Variants in GFRA1 observed in about 807,000 individuals in gnomAD.
GFRA1 encodes GDNF family receptor alpha-1.
A neutral mutation model predicts 51.6 loss-of-function variants in GFRA1; 16 were observed. The observed-to-expected ratio is 0.31, with a 90% CI of 0.21 to 0.47. The LOEUF (loss-of-function observed/expected upper bound fraction) is 0.47. Ranked by LOEUF, GFRA1 falls within the 20% of genes least tolerant of loss-of-function variation. The pLI is 1.00. For synonymous variants in GFRA1, 270 were observed against 241.3 expected (o/e 1.12, Z -1.10); for missense variants, 530 against 594.3 (o/e 0.89, Z 1.13).
At chr10:116,237,153 A>C (rs894693736) in intron 4 of GFRA1, among the ~76,000 whole-genome samples, 5 of 152,356 alleles carry the variant, frequency 3.3e-5, no homozygotes, top group Non-Finnish European at 7.3e-5. Flanking sequence ...CTTTGTGTAT[A>C]CATAAGCGTC....
rs1337828259 is a variant in GFRA1 at position 116,253,941 on chromosome 10, T to G, written c.418+15562A>C. Among the ~76,000 whole-genome samples the G allele has an allele frequency of 2.0e-5, 3 of 151,978 alleles. No individual in the cohort carries two copies. The South Asian group carries it at 6.2e-4, about 32-fold the overall frequency. On this transcript the variant is annotated intron_variant, in intron 4 of 10. Transcript: ENST00000355422. ...AGGCAGGTCACTGGACTTCTATGAG[T>G]TTTGGTTTCCTCTTATGCAAAATGT...
chr10:116,240,333 C>T (rs1967253693), intron 4 of GFRA1, among the ~76,000 whole-genome samples: 1 of 152,162 alleles, frequency 6.6e-6, no homozygotes, highest in Admixed American at 6.5e-5. Flanking sequence ...TTCATCCTAG[C>T]TTCACCCTTC....
chr10:116,274,370 C>T (rs554875434), upstream of GFRA1, among the ~76,000 whole-genome samples: 3 of 152,326 alleles, frequency 2.0e-5, no homozygotes, highest in South Asian at 4.1e-4. Context: ...AAACCTATCA[C>T]GCCAGACAAT....
intron 5 of GFRA1, among the ~76,000 whole-genome samples, chr10:116,200,802 A>T (rs1964270906): frequency 6.6e-6 from 1 of 152,216 alleles, no homozygotes; most frequent in South Asian, 2.1e-4. Context: ...TTTCTAATGC[A>T]CACATTGGGG....
intron 6 of GFRA1, among the ~76,000 whole-genome samples, chr10:116,123,618 C>A (rs1166201419): frequency 1.3e-5 from 2 of 152,126 alleles, no homozygotes; most frequent in South Asian, 2.1e-4. Context: ...TTTTTAGAAA[C>A]GGGGAACCAA....
chr10:116,234,291 G>A (rs566062979), intron 4 of GFRA1, among the ~76,000 whole-genome samples: 65 of 152,268 alleles, frequency 4.3e-4, no homozygotes, highest in African/African-American at 1.5e-3. Context: ...CTCTTAACTG[G>A]ACAGCATCTT....
At chr10:116,084,665 G>A (rs754590921) in intron 9 of GFRA1, among the ~76,000 whole-genome samples, 3 of 151,996 alleles carry the variant, frequency 2.0e-5, no homozygotes, top group Non-Finnish European at 4.4e-5. Flanking sequence ...ACCACATTAA[G>A]ATGTCTTCAC....
intron 6 of GFRA1, among the ~76,000 whole-genome samples, chr10:116,111,619 T>A (rs749404926): frequency 1.8e-4 from 27 of 152,118 alleles, no homozygotes; most frequent in Non-Finnish European, 3.8e-4. Flanking sequence ...ATCTGGTGCC[T>A]ACTCCTCATT....
chr10:116,131,255 A>G (rs1174768480), intron 5 of GFRA1, among the ~76,000 whole-genome samples: 1 of 152,226 alleles, frequency 6.6e-6, no homozygotes, highest in African/African-American at 2.4e-5. Context: ...ATTTGACATC[A>G]AATGTTATTT....
intron 4 of GFRA1, among the ~76,000 whole-genome samples, chr10:116,240,146 T>A (rs373022550): frequency 6.6e-5 from 10 of 152,238 alleles, no homozygotes; most frequent in African/African-American, 2.4e-4. Flanking sequence ...AAGTGACTGT[T>A]GAGCTTTAGG....
intron 8 of GFRA1, among the ~76,000 whole-genome samples, chr10:116,090,351 T>A (rs999650005): frequency 8.2e-5 from 12 of 146,204 alleles, no homozygotes; most frequent in Admixed American, 1.4e-4. Flanking sequence ...TAGTGCTTTT[T>A]AAAAAAAATC....
intron 4 of GFRA1, among the ~76,000 whole-genome samples, chr10:116,263,814 G>A (rs979046573): frequency 5.3e-5 from 8 of 152,196 alleles, no homozygotes; most frequent in Non-Finnish European, 1.2e-4. Context: ...TCCATGATGT[G>A]GAAGGAGGGG....
chr10:116,189,452 C>T (rs1180360595), intron 5 of GFRA1, among the ~76,000 whole-genome samples: 1 of 152,148 alleles, frequency 6.6e-6, no homozygotes, highest in Non-Finnish European at 1.5e-5. Flanking sequence ...CTCATCCCTT[C>T]TTCCCTCTTT....
chr10:116,111,979 A>G (rs1455379551), intron 6 of GFRA1, among the ~76,000 whole-genome samples: 1 of 152,190 alleles, frequency 6.6e-6, no homozygotes, highest in African/African-American at 2.4e-5. Flanking sequence ...GGGGCCCTAC[A>G]GAGCACCTGG....
In GFRA1 at chr10:116,272,498, G is replaced by A; in HGVS notation, c.-246-223C>T. On this transcript the variant is annotated intron_variant, in intron 1 of 10. Transcript: ENST00000355422. The surrounding 1 kb of genome is among the most constrained non-coding windows in gnomAD (Gnocchi z 4.4). ...TCTGAAGAGGGTTCCTAAAGTCCAA[G>A]GGGGTGTCTGTTGGGTTCAACCCGA... is the stretch of plus-strand genomic sequence containing the variant. The A allele has an allele frequency of 5.4e-6, 1 of 185,318 alleles. No individual in the cohort carries two copies. Among genetic ancestry groups the A allele is most frequent in the South Asian group, 1.2e-4 (1 of 8,226 alleles). The allele number at this position is 185,318 out of a possible 1,614,324, so 11.5% of individuals were successfully genotyped here.
At chr10:116,180,335 C>T (rs73370456) in intron 5 of GFRA1, among the ~76,000 whole-genome samples, 2,826 of 152,242 alleles carry the variant, frequency 0.019, 91 homozygotes, top group African/African-American at 0.065. Context: ...AATACTTATA[C>T]TGTCCTCACA....
chr10:116,124,522 C>A (rs945295375), intron 6 of GFRA1, among the ~76,000 whole-genome samples: 6 of 152,216 alleles, frequency 3.9e-5, no homozygotes, highest in Non-Finnish European at 7.3e-5. Context: ...TGAGCCACCA[C>A]ACCCGGCCAG....
rs1174377973 is a variant in GFRA1 at position 116,060,282 on chromosome 10, T to C, written c.*4116A>G. 2 of 152,182 alleles carry C rather than the reference T, an allele frequency of 1.3e-5. No homozygotes were observed. Among genetic ancestry groups the C allele is most frequent in the African/African-American group, 4.8e-5 (2 of 41,454 alleles). 9.4% of individuals were successfully genotyped at this position (152,182 alleles called of 1,614,324 possible). Reference sequence around the variant, plus strand: ...CTTAGGGATGAGAGAAAAATGTAGCTTCTAAGGGTATCCAACCAAATCCCC... The same window carrying C: ...CTTAGGGATGAGAGAAAAATGTAGCCTCTAAGGGTATCCAACCAAATCCCC... On this transcript the variant is annotated 3_prime_UTR_variant, in exon 11 of 11. Coordinates refer to ENST00000355422, the MANE Select transcript of GFRA1 (RefSeq NM_005264.8).
At chr10:116,082,729 T>G (rs930067661) in intron 9 of GFRA1, among the ~76,000 whole-genome samples, 8 of 152,140 alleles carry the variant, frequency 5.3e-5, no homozygotes, top group African/African-American at 1.9e-4. Flanking sequence ...TCTGCCGCCT[T>G]GGCTTCCCAA....
Sources: allele counts gnomAD v4.1 joint callset (sites outside exome capture counted in the v4.1 genomes callset), GRCh38; gene constraint gnomAD v4.1.1; non-coding constraint Gnocchi (gnomAD v3.1); transcripts MANE v1.5; gene names NCBI Gene and HGNC (gene_info 2026-07-23, HGNC 2026-07-21).